The following SMIM41 variants were observed in gnomAD, a reference collection of about 807,000 sequenced individuals.
SMIM41 encodes the protein small integral membrane protein 41.
intron 2 of SMIM41, chr12:52,087,664 C>G (rs1020375063): frequency 3.9e-5 from 6 of 152,272 alleles, no homozygotes; most frequent in Non-Finnish European, 8.8e-5. Flanking sequence ...GGGGCTTCCC[C>G]CCGAGTCTGC....
At position 52,079,708 on chromosome 12, in the gene SMIM41, C is replaced by G. The variant is rs1939789387; in HGVS notation, c.-72C>G. 2 of 388,704 alleles carry G rather than the reference C, an allele frequency of 5.1e-6. No homozygotes were observed. Among genetic ancestry groups the G allele is most frequent in the Non-Finnish European group, 4.6e-6 (1 of 219,776 alleles). 24.1% of individuals were successfully genotyped at this position (388,704 alleles called of 1,614,324 possible). ...CTTGGTTCCCTCCCCGACGCAGCCGCCGGCCCGCCCGCCAGTCTGGGCTCC... is the reference window on the plus strand; with the variant it reads ...CTTGGTTCCCTCCCCGACGCAGCCGGCGGCCCGCCCGCCAGTCTGGGCTCC... On this transcript the variant is annotated 5_prime_UTR_variant, in exon 1 of 3. Transcript: ENST00000546390.
At chr12:52,095,941 A>G (rs1261269352) in intron 2 of SMIM41, among the ~76,000 whole-genome samples, 4 of 151,962 alleles carry the variant, frequency 2.6e-5, no homozygotes, top group African/African-American at 9.7e-5. Context: ...TGGGAGTAAT[A>G]TCAACCTCTC....
At chr12:52,092,315 T>C (rs1407422960) in intron 2 of SMIM41, 1 of 152,228 alleles carries the variant, frequency 6.6e-6, no homozygotes, top group Non-Finnish European at 1.5e-5. Flanking sequence ...AGAGAAATGA[T>C]GAATATTTCA....
rs201562876 is a variant in SMIM41, at chr12:52,107,523, A to T, written c.*340A>T. On this transcript the variant is annotated 3_prime_UTR_variant, in exon 3 of 3. Coordinates refer to ENST00000546390, the MANE Select transcript of SMIM41 (RefSeq NM_001369216.1). ...CACCTCCATGTACTTCTTCCTCTCC[A>T]ACCTGTCCTTGCCTGACATCGGTTT... 2.4e-5 allele frequency: 23 copies of T among 968,582 alleles called. No individual in the cohort carries two copies. The highest frequency in any genetic ancestry group is 2.4e-4 in the Middle Eastern group (1 of 4,210). 60.0% of individuals were successfully genotyped at this position (968,582 alleles called of 1,614,324 possible). A position where few individuals can be genotyped will look rare whatever the true frequency, so the allele number is the denominator to read the frequency against.
intron 2 of SMIM41, among the ~76,000 whole-genome samples, chr12:52,097,355 C>CT (rs1259745743): frequency 1.3e-5 from 2 of 151,916 alleles, no homozygotes; most frequent in Non-Finnish European, 2.9e-5. Flanking sequence ...ATCACCCCCC[C>CT]CCGGATATTA....
chr12:52,085,346 T>C (rs1322783428), intron 2 of SMIM41, among the ~76,000 whole-genome samples: 3 of 152,110 alleles, frequency 2.0e-5, no homozygotes, highest in African/African-American at 7.2e-5. Flanking sequence ...GCACCGTAGT[T>C]ATTAGCTGCA....
Position 52,079,872 on chromosome 12 carries a change from GC to G in SMIM41, c.95del (p.Pro32ArgfsTer34). 2 of 391,090 alleles carry G rather than the reference GC, an allele frequency of 5.1e-6. No homozygotes were observed. Among genetic ancestry groups the G allele is most frequent in the East Asian group, 7.3e-5 (2 of 27,276 alleles). 24.2% of individuals were successfully genotyped at this position (391,090 alleles called of 1,614,324 possible). ...CGTCGCCGCCGGAGCCCCCCGAGGG[GC>G]CGCGCGCGGTGCAGGCGGTGGTGCT... ...SASPPEPPEGPRAVQAVVLGV... is the reference protein window; with the variant it reads ...SASPPEPPEGXRAVQAVVLGV... On this transcript the variant is annotated frameshift_variant, in exon 1 of 3. Coordinates refer to ENST00000546390, the MANE Select transcript of SMIM41 (RefSeq NM_001369216.1). LOFTEE classifies it high-confidence loss of function.
At position 52,097,514 on chromosome 12, in the gene SMIM41, A is replaced by T. The variant is rs1479596299; in HGVS notation, c.*196-9865A>T. 3.9e-5 allele frequency among the ~76,000 whole-genome samples: 6 copies of T among 152,074 alleles called. No homozygotes were observed. The East Asian group carries it at 7.7e-4, about 20-fold the overall frequency. On this transcript the variant is annotated intron_variant, in intron 2 of 2. Transcript: ENST00000546390. ...GATATCAACCCCGGTCCCTCCCTGC[A>T]TGTTAGCAGCCACTGTGGACACACA...
chr12:52,107,787 T>TTC lies in SMIM41; in HGVS notation c.*604_*605insTC. The TTC allele has an allele frequency of 2.6e-6, 1 of 378,358 alleles. No homozygotes were observed. The highest frequency in any genetic ancestry group is 5.1e-6 in the Non-Finnish European group (1 of 196,236). The allele number at this position is 378,358 out of a possible 1,614,324, so 23.4% of individuals were successfully genotyped here. ...TCCTAGTTTTGCTGTCTTTTTTTTT[T>TTC]CTCAGTCTTTTAGACTCCCAGCTGT... On this transcript the variant is annotated 3_prime_UTR_variant, in exon 3 of 3. Transcript: ENST00000546390.
At position 52,079,783 on chromosome 12, in the gene SMIM41, A is replaced by G. The variant is rs1395665681; in HGVS notation, c.4A>G (p.Asn2Asp). MNGSQAGAAAQA... is the reference protein window; with the variant it reads MDGSQAGAAAQA... ...TCTGGGCAGCCGGCGCTGGAGCATG[A>G]ACGGCTCTCAGGCGGGCGCCGCGGC... Residue 2 changes from asparagine (N) to aspartate (D), a missense_variant, in exon 1 of 3, where the codon AAC becomes GAC. By Grantham distance (23) the Asn-to-Asp change is conservative. Transcript: ENST00000546390. 1.8e-5 allele frequency: 7 copies of G among 393,176 alleles called. No homozygotes were observed. Among genetic ancestry groups the G allele is most frequent in the African/African-American group, 6.2e-5 (3 of 48,332 alleles). 24.4% of individuals were successfully genotyped at this position (393,176 alleles called of 1,614,324 possible). A position where few individuals can be genotyped will look rare whatever the true frequency, so the allele number is the denominator to read the frequency against.
chr12:52,086,248 C>T (rs1939891109), intron 2 of SMIM41, among the ~76,000 whole-genome samples: 1 of 152,036 alleles, frequency 6.6e-6, no homozygotes, highest in African/African-American at 2.4e-5. Context: ...AGGGGACCTG[C>T]AGCCTGGGAC....
chr12:52,101,675 GCTCTT>G (rs113540720), intron 2 of SMIM41, among the ~76,000 whole-genome samples: 9 of 152,082 alleles, frequency 5.9e-5, no homozygotes, highest in South Asian at 2.1e-4. Context: ...TGGTTTTTAA[GCTCTT>G]CTCTTTCTGC....
chr12:52,101,806 G>A (rs1453884482), intron 2 of SMIM41, among the ~76,000 whole-genome samples: 1 of 151,938 alleles, frequency 6.6e-6, no homozygotes, highest in Non-Finnish European at 1.5e-5. Context: ...TCTGCCTCCT[G>A]GGTTCAAGTG....
intron 1 of SMIM41, 121 bp downstream of exon 1, chr12:52,080,302 C>T (rs1418715908): frequency 1.3e-5 from 2 of 159,094 alleles, no homozygotes; most frequent in Admixed American, 6.5e-5. Flanking sequence ...AGTCGCTCTT[C>T]AGCGACTCAG....
intron 2 of SMIM41, among the ~76,000 whole-genome samples, chr12:52,088,820 C>T (rs969995455): frequency 2.8e-4 from 42 of 152,258 alleles, no homozygotes; most frequent in African/African-American, 9.1e-4. Context: ...TGGCATCTTC[C>T]TGTGGCCCCC....
intron 2 of SMIM41, among the ~76,000 whole-genome samples, chr12:52,099,344 T>A (rs1262788021): frequency 6.7e-6 from 1 of 149,852 alleles, no homozygotes; most frequent in Admixed American, 6.6e-5. Context: ...CACGGGTGGT[T>A]TACATCCCCT....
intron 2 of SMIM41, among the ~76,000 whole-genome samples, chr12:52,088,481 C>A (rs549666279): frequency 6.6e-6 from 1 of 152,154 alleles, no homozygotes; most frequent in African/African-American, 2.4e-5. Flanking sequence ...CAGAGCACAC[C>A]CACAGCCAGG....
intron 2 of SMIM41, among the ~76,000 whole-genome samples, chr12:52,103,357 C>CA (rs532598136): frequency 0.065 from 7,539 of 116,840 alleles, 361 homozygotes; most frequent in East Asian, 0.18. Context: ...AAAATAAAAC[C>CA]AAAAAAAAAA....
Position 52,099,965 on chromosome 12 carries a change from G to T in SMIM41, c.*196-7414G>T, listed in dbSNP as rs73321164. On this transcript the variant is annotated intron_variant, in intron 2 of 2. Transcript: ENST00000546390. ...GGAAATTACTAACAAGGTCACGGGG[G>T]GTTGTGTACTACCCCTGAGATATTG... 1.0e-2 allele frequency among the ~76,000 whole-genome samples: 1,518 copies of T among 151,972 alleles called. 27 individuals carry two copies. The highest frequency in any genetic ancestry group is 0.035 in the African/African-American group (1,439 of 41,410).
Sources: gnomAD v4.1 joint callset for allele counts (sites outside exome capture counted in the v4.1 genomes callset) on GRCh38, gnomAD v4.1.1 for gene constraint, MANE v1.5 for transcripts, NCBI Gene and HGNC (gene_info 2026-07-23, HGNC 2026-07-21) for gene names.